Variants in TOX2 observed in about 807,000 individuals in gnomAD.
TOX2 encodes the protein TOX high mobility group box family member 2.
Under a neutral mutation model 47.4 loss-of-function variants are expected in TOX2, and 15 were observed. The observed-to-expected ratio is 0.32, with a 90% confidence interval of 0.21 to 0.49. The LOEUF (loss-of-function observed/expected upper bound fraction) is 0.49, where lower values mean the gene tolerates loss of function less well. Among genes scored for constraint, TOX2 ranks in the 20% least tolerant of loss-of-function variants. The probability of loss-of-function intolerance (pLI) is 0.99; values close to 1 mark genes in which losing one functional copy is unlikely to be tolerated. For missense variants in TOX2, 622 were observed against 673.1 expected (o/e 0.92, Z 0.84); for synonymous variants, 290 against 296.6 (o/e 0.98, Z 0.23).
intron 1 of TOX2, among the ~76,000 whole-genome samples, chr20:43,935,126 T>G (rs1469174132): frequency 6.6e-6 from 1 of 152,088 alleles, no homozygotes; most frequent in African/African-American, 2.4e-5. Context: ...CACAAATCAT[T>G]ATCCCAGATG....
chr20:44,038,921 T>A, intron 3 of TOX2: 2 of 1,182,230 alleles, frequency 1.7e-6, no homozygotes, highest in Non-Finnish European at 2.1e-6. Flanking sequence ...CCTAATTACA[T>A]TCACAGCCGC....
intron 5 of TOX2, among the ~76,000 whole-genome samples, chr20:44,059,330 T>C (rs1007919773): frequency 6.6e-5 from 10 of 152,004 alleles, no homozygotes; most frequent in Admixed American, 5.9e-4. Context: ...ACAAAAAATT[T>C]TAACAAATGA....
intron 1 of TOX2, among the ~76,000 whole-genome samples, chr20:43,971,772 A>G (rs1039916070): frequency 6.6e-6 from 1 of 152,208 alleles, no homozygotes; most frequent in African/African-American, 2.4e-5. Flanking sequence ...AAAAAGAACT[A>G]TGTTCTGATA....
intron 1 of TOX2, among the ~76,000 whole-genome samples, chr20:43,943,031 G>T (rs746098170): frequency 5.3e-5 from 8 of 152,052 alleles, no homozygotes; most frequent in Non-Finnish European, 8.8e-5. Flanking sequence ...TTATTGCAAC[G>T]GCAAGAGCAC....
At chr20:43,949,179 G>A (rs2069517876) in intron 1 of TOX2, among the ~76,000 whole-genome samples, 1 of 152,296 alleles carries the variant, frequency 6.6e-6, no homozygotes, top group Admixed American at 6.5e-5. Flanking sequence ...CCACCCCTCG[G>A]CTTAGGCCAC....
intron 5 of TOX2, among the ~76,000 whole-genome samples, chr20:44,060,183 GTCCAACAGGA>G (rs2071692729): frequency 1.3e-5 from 2 of 152,084 alleles, no homozygotes; most frequent in Non-Finnish European, 2.9e-5. Flanking sequence ...AATAAAACTA[GTCCAACAGGA>G]AAATATCACG....
In TOX2 at chr20:44,054,505, C is replaced by T. The variant is rs1048590426; in HGVS notation, c.858C>T (p.Ser286=). The stretch of plus-strand genomic sequence containing the variant: ...AAATCGTGGCCTCCATGTGGGACAG[C>T]CTGGGAGAGGAACAGAAGCAGGTGA... The part of the protein sequence containing the change: ...VSKIVASMWD[S]LGEEQKQAYK... Residue 286 remains serine, a synonymous_variant, in exon 5 of 9, where the codon AGC becomes AGT. Transcript: ENST00000341197. The T allele has an allele frequency of 6.2e-7, 1 of 1,613,962 alleles. No homozygotes were observed. The highest frequency in any genetic ancestry group is 2.2e-5 in the East Asian group (1 of 44,866).
chr20:44,051,623 A>G (rs1046101174), intron 4 of TOX2, 78 bp downstream of exon 4: 2 of 1,506,118 alleles, frequency 1.3e-6, no homozygotes, highest in African/African-American at 2.8e-5. Flanking sequence ...AATGGGCATC[A>G]CCTCCCTCTA....
intron 3 of TOX2, among the ~76,000 whole-genome samples, chr20:44,038,317 G>A (rs935542688): frequency 6.6e-6 from 1 of 152,144 alleles, no homozygotes; most frequent in Non-Finnish European, 1.5e-5. Context: ...GATCGCCTGA[G>A]CCTGGGAGGT....
intron 2 of TOX2, among the ~76,000 whole-genome samples, chr20:44,006,144 A>G (rs188530139): frequency 5.9e-5 from 9 of 152,316 alleles, no homozygotes; most frequent in African/African-American, 1.9e-4. Flanking sequence ...CTTCAGCTCC[A>G]TTCCCAACTC....
intron 8 of TOX2, among the ~76,000 whole-genome samples, 173 bp downstream of exon 8, chr20:44,067,030 G>A (rs1161722426): frequency 6.6e-6 from 1 of 152,208 alleles, no homozygotes; most frequent in East Asian, 1.9e-4. Context: ...CCAGGCCCCG[G>A]AAGGACTCTG....
chr20:44,017,244 C>T (rs2070895232), intron 3 of TOX2, among the ~76,000 whole-genome samples: 2 of 152,340 alleles, frequency 1.3e-5, no homozygotes, highest in African/African-American at 2.4e-5. Context: ...CCCAGTTCTT[C>T]CTGCACCCGC....
At chr20:43,933,466 C>T (rs2069281203) in intron 1 of TOX2, among the ~76,000 whole-genome samples, 1 of 152,164 alleles carries the variant, frequency 6.6e-6, no homozygotes, top group Admixed American at 6.5e-5. Flanking sequence ...GTCCAGAGAT[C>T]TGGCATTTCT....
intron 5 of TOX2, among the ~76,000 whole-genome samples, chr20:44,063,299 C>A (rs111576260): frequency 0.054 from 8,209 of 151,924 alleles, 267 homozygotes; most frequent in African/African-American, 0.098. Context: ...AAAAACAATC[C>A]CATCAAAAAT....
chr20:44,029,749 T>C (rs2071120996), intron 3 of TOX2, among the ~76,000 whole-genome samples: 2 of 152,220 alleles, frequency 1.3e-5, no homozygotes. Flanking sequence ...CTGTCTCCTC[T>C]CTCCCCTCGT....
intron 3 of TOX2, among the ~76,000 whole-genome samples, chr20:44,025,655 C>T (rs2071050293): frequency 7.1e-6 from 1 of 141,470 alleles, no homozygotes; most frequent in Admixed American, 7.1e-5. Flanking sequence ...ATTTTCTCCC[C>T]TCCCACCACA....
intron 2 of TOX2, among the ~76,000 whole-genome samples, chr20:43,996,056 T>C (rs183752430): frequency 1.3e-5 from 2 of 152,344 alleles, no homozygotes; most frequent in Admixed American, 6.5e-5. Context: ...GGTTGAATGG[T>C]AGTTCTGCTT....
chr20:44,041,127 G>A (rs1294383672), intron 3 of TOX2, among the ~76,000 whole-genome samples: 2 of 152,198 alleles, frequency 1.3e-5, no homozygotes, highest in Non-Finnish European at 2.9e-5. Context: ...ATTCCACAGG[G>A]AGCCCTGGAG....
chr20:43,946,256 C>T (rs1187354754), intron 1 of TOX2, among the ~76,000 whole-genome samples: 1 of 152,190 alleles, frequency 6.6e-6, no homozygotes, highest in Non-Finnish European at 1.5e-5. Context: ...CTCTGGAGAG[C>T]AGGGTCAGGC....
Sources: allele counts gnomAD v4.1 joint callset (sites outside exome capture counted in the v4.1 genomes callset), GRCh38; gene constraint gnomAD v4.1.1; transcripts MANE v1.5; gene names NCBI Gene and HGNC (gene_info 2026-07-23, HGNC 2026-07-21).